The following SND1 variants were observed in gnomAD, a reference collection of about 807,000 sequenced individuals.
SND1 encodes staphylococcal nuclease and tudor domain containing 1.
A neutral mutation model predicts 121.7 loss-of-function variants in SND1; 38 were observed. That is an observed-to-expected ratio of 0.31 (90% confidence interval 0.24 to 0.41). The LOEUF (loss-of-function observed/expected upper bound fraction) is 0.41. SND1 is among the 10% of genes least tolerant of loss of function. The probability of loss-of-function intolerance (pLI) is 1.00; values close to 1 mark genes in which losing one functional copy is unlikely to be tolerated. For synonymous variants in SND1, 401 were observed against 447.4 expected (o/e 0.90, Z 1.31); for missense variants, 868 against 1,184.6 (o/e 0.73, Z 3.92).
Position 127,857,872 on chromosome 7 carries a change from C to T in SND1, c.1343+13448C>T. ...TCAGGTGTAGAGGTCAAAGTCAATG[C>T]GTTTGGAGTTGTAGAACTGACCACG... is the stretch of plus-strand genomic sequence containing the variant. On this transcript the variant is annotated intron_variant, in intron 12 of 23. Coordinates refer to ENST00000354725, the MANE Select transcript of SND1 (RefSeq NM_014390.4). 6 of 1,313,438 alleles carry T rather than the reference C, an allele frequency of 4.6e-6. No homozygotes were observed. In the East Asian group the frequency reaches 6.9e-5, roughly 15 times the overall value. The allele number at this position is 1,313,438 out of a possible 1,614,324, so 81.4% of individuals were successfully genotyped here.
At chr7:127,752,317 G>A (rs1797110408) in intron 10 of SND1, among the ~76,000 whole-genome samples, 1 of 152,122 alleles carries the variant, frequency 6.6e-6, no homozygotes, top group African/African-American at 2.4e-5. Context: ...GGTGAGTTTT[G>A]TTTTGCAGCC....
intron 13 of SND1, among the ~76,000 whole-genome samples, chr7:127,890,972 A>C (rs1463257583): frequency 6.6e-6 from 1 of 152,150 alleles, no homozygotes; most frequent in Non-Finnish European, 1.5e-5. Context: ...CCCATGAGGC[A>C]TTGCCATAAG....
intron 3 of SND1, among the ~76,000 whole-genome samples, chr7:127,698,668 G>T (rs985517241): frequency 3.9e-5 from 6 of 152,196 alleles, no homozygotes; most frequent in African/African-American, 1.4e-4. Flanking sequence ...CTGAGAAGAA[G>T]ATTGATAGAA....
intron 12 of SND1, among the ~76,000 whole-genome samples, chr7:127,850,815 T>C (rs1003754856): frequency 6.6e-6 from 1 of 152,202 alleles, no homozygotes; most frequent in Non-Finnish European, 1.5e-5. Flanking sequence ...CAGAAACCTA[T>C]GTGGCATTTA....
rs117379634 is a variant in SND1, at chr7:127,732,667, G to A, written c.1152+11267G>A. 2.2e-3 allele frequency among the ~76,000 whole-genome samples: 340 copies of A among 152,320 alleles called. 2 individuals are homozygous for A. The highest frequency in any genetic ancestry group is 0.012 in the South Asian group (60 of 4,830). On this transcript the variant is annotated intron_variant, in intron 10 of 23. Coordinates refer to ENST00000354725, the MANE Select transcript of SND1 (RefSeq NM_014390.4). ...AGTTTTCTTGAGCAACCACATTTAA[G>A]CTGCTTATTAAATACAATTTTATAT...
chr7:128,071,714 G>A (rs1026998285), intron 16 of SND1, among the ~76,000 whole-genome samples: 2 of 152,182 alleles, frequency 1.3e-5, no homozygotes, highest in Non-Finnish European at 2.9e-5. Context: ...GAGAGACACC[G>A]CATGGGGTTT....
intron 12 of SND1, among the ~76,000 whole-genome samples, chr7:127,875,428 G>A: frequency 6.6e-6 from 1 of 152,162 alleles, no homozygotes; most frequent in East Asian, 1.9e-4. Context: ...GGCTTGGTTG[G>A]TGGCTAAGGA....
intron 10 of SND1, among the ~76,000 whole-genome samples, chr7:127,744,519 G>A (rs1045561939): frequency 6.6e-6 from 1 of 152,136 alleles, no homozygotes; most frequent in Admixed American, 6.6e-5. Context: ...ACTTATTTCT[G>A]TGTTTCTTGG....
At chr7:127,832,873 T>C (rs1798787590) in intron 11 of SND1, among the ~76,000 whole-genome samples, 1 of 152,232 alleles carries the variant, frequency 6.6e-6, no homozygotes, top group South Asian at 2.1e-4. Context: ...CTCATAGAAG[T>C]GCAAAGCCTA....
chr7:127,822,658 G>A (rs1485053725), intron 11 of SND1, among the ~76,000 whole-genome samples: 3 of 152,128 alleles, frequency 2.0e-5, no homozygotes, highest in African/African-American at 7.2e-5. Flanking sequence ...GTTAATACTT[G>A]AGTGTGTATT....
intron 16 of SND1, among the ~76,000 whole-genome samples, chr7:128,072,017 C>A (rs931533389): frequency 2.0e-5 from 3 of 152,192 alleles, no homozygotes; most frequent in Admixed American, 2.0e-4. Context: ...CCCGGCTGCA[C>A]CCTGCAGTGT....
At chr7:128,008,837 T>C (rs1803046469) in intron 16 of SND1, among the ~76,000 whole-genome samples, 1 of 152,212 alleles carries the variant, frequency 6.6e-6, no homozygotes, top group African/African-American at 2.4e-5. Context: ...CAAATCATAT[T>C]TTCCAGCAAT....
chr7:128,002,076 A>G (rs1802847192), intron 16 of SND1, among the ~76,000 whole-genome samples: 1 of 152,210 alleles, frequency 6.6e-6, no homozygotes, highest in Admixed American at 6.5e-5. Flanking sequence ...GAATCAACAA[A>G]GAACAACCCT....
At chr7:127,914,559 G>A (rs1236769379) in intron 14 of SND1, among the ~76,000 whole-genome samples, 2 of 152,132 alleles carry the variant, frequency 1.3e-5, no homozygotes, top group Non-Finnish European at 2.9e-5. Flanking sequence ...CTCCTAAGAA[G>A]GGGATCTTTT....
chr7:127,790,286 G>A (rs1212730328), intron 10 of SND1, among the ~76,000 whole-genome samples: 1 of 152,184 alleles, frequency 6.6e-6, no homozygotes, highest in Non-Finnish European at 1.5e-5. Context: ...GAGTGGTGCT[G>A]TGTGGGGGAT....
intron 16 of SND1, among the ~76,000 whole-genome samples, chr7:127,997,190 A>T (rs1176136180): frequency 6.6e-6 from 1 of 152,184 alleles, no homozygotes; most frequent in Non-Finnish European, 1.5e-5. Flanking sequence ...AAACTCAAAT[A>T]TCTGCATTCC....
At chr7:127,842,684 A>AT (rs1241841464) in intron 11 of SND1, among the ~76,000 whole-genome samples, 1 of 152,010 alleles carries the variant, frequency 6.6e-6, no homozygotes, top group Non-Finnish European at 1.5e-5. Context: ...ATTTATTTAT[A>AT]TTTTTTATTT....
chr7:127,747,856 G>A (rs1437992837), intron 10 of SND1, among the ~76,000 whole-genome samples: 5 of 152,096 alleles, frequency 3.3e-5, no homozygotes, highest in African/African-American at 1.2e-4. Context: ...TATTTGTCTA[G>A]TGTAGGGACA....
rs560946735 is a variant in SND1 at position 128,021,991 on chromosome 7, G to A, written c.1779+30935G>A. On this transcript the variant is annotated intron_variant, in intron 16 of 23. Coordinates refer to ENST00000354725, the MANE Select transcript of SND1 (RefSeq NM_014390.4). ...GCCCAAGGTGGGCGGATTGCCTGAGGTCGGGAGTTTCAGACCAGCCTGGCC... is the reference window on the plus strand; with the variant it reads ...GCCCAAGGTGGGCGGATTGCCTGAGATCGGGAGTTTCAGACCAGCCTGGCC... 4.6e-5 allele frequency among the ~76,000 whole-genome samples: 7 copies of A among 152,188 alleles called. No homozygotes were observed. In the South Asian group the frequency reaches 1.5e-3, roughly 32 times the overall value.
Sources: gnomAD v4.1 joint callset for allele counts (sites outside exome capture counted in the v4.1 genomes callset) on GRCh38, gnomAD v4.1.1 for gene constraint, MANE v1.5 for transcripts, NCBI Gene and HGNC (gene_info 2026-07-23, HGNC 2026-07-21) for gene names.